NRG3: variants seen among roughly 807,000 people sequenced by gnomAD.
NRG3 encodes the protein pro-neuregulin-3, membrane-bound isoform.
NRG3 carries 31 observed loss-of-function variants against 66.9 expected under a neutral mutation model. The observed-to-expected ratio is 0.46, with a 90% CI of 0.35 to 0.63. The LOEUF is 0.63. NRG3 is among the 20% of genes least tolerant of loss of function. The probability of loss-of-function intolerance (pLI) is 0.00; values close to 1 mark genes in which losing one functional copy is unlikely to be tolerated. For synonymous variants in NRG3, 393 were observed against 359.4 expected (o/e 1.09, Z -1.06); for missense variants, 910 against 878.9 (o/e 1.04, Z -0.45).
At chr10:82,738,049 A>T (rs770072193) in intron 2 of NRG3, among the ~76,000 whole-genome samples, 3 of 149,130 alleles carry the variant, frequency 2.0e-5, no homozygotes, top group Non-Finnish European at 4.4e-5. Context: ...TGGTGAGGTG[A>T]CACTGACTTG....
At chr10:81,932,644 A>G (rs1847483057) in intron 1 of NRG3, among the ~76,000 whole-genome samples, 1 of 152,184 alleles carries the variant, frequency 6.6e-6, no homozygotes, top group Admixed American at 6.5e-5. Flanking sequence ...AAGTATTTCA[A>G]TTACCTTTAA....
intron 2 of NRG3, among the ~76,000 whole-genome samples, chr10:82,732,891 G>C (rs1231368952): frequency 1.3e-5 from 2 of 152,210 alleles, no homozygotes; most frequent in African/African-American, 4.8e-5. Flanking sequence ...TGGCAGAAGA[G>C]AGAGAAGAAT....
intron 2 of NRG3, among the ~76,000 whole-genome samples, chr10:82,410,531 T>G (rs145274371): frequency 6.8e-6 from 1 of 146,406 alleles, no homozygotes; most frequent in African/African-American, 2.5e-5. Context: ...AGATTAGTGG[T>G]GGCTAAGGGG....
chr10:82,650,022 T>G (rs2051285147), intron 2 of NRG3, among the ~76,000 whole-genome samples: 1 of 152,100 alleles, frequency 6.6e-6, no homozygotes, highest in African/African-American at 2.4e-5. Flanking sequence ...ATCCAAGAAT[T>G]CTCAAGAAAT....
intron 2 of NRG3, among the ~76,000 whole-genome samples, chr10:82,689,858 A>G (rs888338771): frequency 6.6e-6 from 1 of 152,208 alleles, no homozygotes; most frequent in Non-Finnish European, 1.5e-5. Flanking sequence ...GACTAAATAG[A>G]CTTCGTACAT....
chr10:82,968,524 G>A (rs1160372771), intron 6 of NRG3, among the ~76,000 whole-genome samples: 1 of 152,156 alleles, frequency 6.6e-6, no homozygotes, highest in Non-Finnish European at 1.5e-5. Context: ...CAGGTTAAGA[G>A]GTTAATTCTG....
chr10:81,949,319 C>T (rs770244948), intron 1 of NRG3, among the ~76,000 whole-genome samples: 2 of 152,270 alleles, frequency 1.3e-5, no homozygotes, highest in Non-Finnish European at 1.5e-5. Context: ...GGACTAAGGC[C>T]GTACCTCTTT....
chr10:82,198,826 G>A (rs1042038858), intron 1 of NRG3, among the ~76,000 whole-genome samples: 3 of 151,834 alleles, frequency 2.0e-5, no homozygotes, highest in Non-Finnish European at 4.4e-5. Flanking sequence ...GTGAAACCCC[G>A]TCTCTACTAA....
chr10:82,509,073 A>G (rs1844934458), intron 2 of NRG3, among the ~76,000 whole-genome samples: 1 of 152,106 alleles, frequency 6.6e-6, no homozygotes, highest in Non-Finnish European at 1.5e-5. Flanking sequence ...TTTTCCATAA[A>G]TAGCTCCAGG....
At chr10:82,954,771 T>C (rs1849872410) in intron 5 of NRG3, among the ~76,000 whole-genome samples, 1 of 149,910 alleles carries the variant, frequency 6.7e-6, no homozygotes, top group African/African-American at 2.5e-5. Flanking sequence ...CTAAAAGCAA[T>C]ATAGATTGTC....
intron 1 of NRG3, among the ~76,000 whole-genome samples, chr10:82,128,645 C>G (rs997426373): frequency 6.6e-6 from 1 of 151,972 alleles, no homozygotes; most frequent in Non-Finnish European, 1.5e-5. Flanking sequence ...TTTTGATAAC[C>G]TTTGAGTCAT....
At chr10:81,944,529 G>A (rs980279019) in intron 1 of NRG3, among the ~76,000 whole-genome samples, 1 of 152,140 alleles carries the variant, frequency 6.6e-6, no homozygotes, top group Non-Finnish European at 1.5e-5. Flanking sequence ...TGTTTGAAAT[G>A]GTTAAACTTA....
intron 2 of NRG3, among the ~76,000 whole-genome samples, chr10:82,631,625 G>C (rs1246989578): frequency 6.9e-6 from 1 of 144,602 alleles, no homozygotes; most frequent in South Asian, 2.3e-4. Context: ...AATAGCTAAC[G>C]CTGACCTCCA....
At chr10:82,431,230 A>G (rs934979523) in intron 2 of NRG3, among the ~76,000 whole-genome samples, 4 of 152,160 alleles carry the variant, frequency 2.6e-5, no homozygotes, top group African/African-American at 9.7e-5. Context: ...GAGCTTTTCC[A>G]TGAGGAAAAG....
intron 1 of NRG3, among the ~76,000 whole-genome samples, chr10:82,040,814 C>G (rs890332622): frequency 6.6e-6 from 1 of 152,022 alleles, no homozygotes; most frequent in African/African-American, 2.4e-5. Context: ...CCTCTCCCTG[C>G]CCCAGTATAT....
chr10:82,095,758 C>G (rs2066299073), intron 1 of NRG3, among the ~76,000 whole-genome samples: 1 of 152,194 alleles, frequency 6.6e-6, no homozygotes, highest in Non-Finnish European at 1.5e-5. Context: ...TCTTCCCTCT[C>G]TGGGAATGAG....
At chr10:81,951,534 G>T (rs1388106077) in intron 1 of NRG3, among the ~76,000 whole-genome samples, 2 of 152,142 alleles carry the variant, frequency 1.3e-5, no homozygotes, top group Non-Finnish European at 2.9e-5. Flanking sequence ...GACACCTGGA[G>T]AATTCAACTG....
rs1465347411 is a variant in NRG3, at chr10:82,597,385, C to G, written c.954-141192C>G. 2.6e-5 allele frequency among the ~76,000 whole-genome samples: 4 copies of G among 152,166 alleles called. 1 individual carries two copies. Among genetic ancestry groups the G allele is most frequent in the Admixed American group, 2.6e-4 (4 of 15,284 alleles). On this transcript the variant is annotated intron_variant, in intron 2 of 8. Transcript: ENST00000372141. ...TAATTATTTCACGGCCCTTGAAACT[C>G]CTTGCACATTTCTAGCTTGTAAAGA...
At chr10:81,914,445 T>A (rs1845469266) in intron 1 of NRG3, among the ~76,000 whole-genome samples, 1 of 152,010 alleles carries the variant, frequency 6.6e-6, no homozygotes, top group Admixed American at 6.6e-5. Context: ...TTAGGAGACT[T>A]GAATTGGCCA....
Sources: gnomAD v4.1 joint callset for allele counts (sites outside exome capture counted in the v4.1 genomes callset) on GRCh38, gnomAD v4.1.1 for gene constraint, MANE v1.5 for transcripts, NCBI Gene and HGNC (gene_info 2026-07-23, HGNC 2026-07-21) for gene names.